Variants in NXPH1 observed in about 807,000 individuals in gnomAD.
The protein encoded by NXPH1 is neurexophilin 1, also known as neurexophilin-1.
Under a neutral mutation model 23.7 loss-of-function variants are expected in NXPH1, and 5 were observed. The ratio of observed to expected loss-of-function variants is 0.21; its 90% confidence interval spans 0.11 to 0.44. The LOEUF is 0.44. Among genes scored for constraint, NXPH1 ranks in the 20% least tolerant of loss-of-function variants. The pLI is 0.99. For missense variants in NXPH1, 324 were observed against 321.6 expected (o/e 1.01, Z -0.06); for synonymous variants, 144 against 122.2 (o/e 1.18, Z -1.18).
intron 2 of NXPH1, among the ~76,000 whole-genome samples, chr7:8,543,305 C>G (rs957937196): frequency 3.3e-5 from 5 of 151,604 alleles, no homozygotes; most frequent in Non-Finnish European, 7.4e-5. Flanking sequence ...TCCATGCAAG[C>G]TCCCATCTTA....
rs753216989 is a variant in NXPH1 at position 8,751,461 on chromosome 7, C to T, written c.508C>T (p.Pro170Ser). The T allele has an allele frequency of 6.2e-7, 1 of 1,613,762 alleles. No individual in the cohort carries two copies. The highest frequency in any genetic ancestry group is 8.5e-7 in the Non-Finnish European group (1 of 1,179,830). ...GAATGTATCTGTCAGCTTGGTACCC[C>T]CTACAAAAATCGTGGAATTTGACTT... ...QGNVSVSLVPPTKIVEFDLAQ... is the reference protein window; with the variant it reads ...QGNVSVSLVPSTKIVEFDLAQ... Residue 170 changes from proline (P) to serine (S), a missense_variant, in exon 3 of 3, where the codon CCT becomes TCT. Coordinates refer to ENST00000405863, the MANE Select transcript of NXPH1 (RefSeq NM_152745.3). The surrounding 1 kb of genome is among the most constrained non-coding windows in gnomAD (Gnocchi z 4.5).
At chr7:8,641,271 C>A (rs1820305003) in intron 2 of NXPH1, among the ~76,000 whole-genome samples, 1 of 152,146 alleles carries the variant, frequency 6.6e-6, no homozygotes, top group Non-Finnish European at 1.5e-5. Context: ...TACCTGTGCA[C>A]AGTTTAATAT....
chr7:8,632,546 G>T (rs980697088), intron 2 of NXPH1, among the ~76,000 whole-genome samples: 1 of 152,154 alleles, frequency 6.6e-6, no homozygotes, highest in Non-Finnish European at 1.5e-5. Flanking sequence ...TTAGCGGCTA[G>T]TCTTGTCTAT....
chr7:8,670,939 C>T (rs1820859320), intron 2 of NXPH1, among the ~76,000 whole-genome samples: 1 of 152,166 alleles, frequency 6.6e-6, no homozygotes, highest in Non-Finnish European at 1.5e-5. Flanking sequence ...GATAGCACCT[C>T]TGACATGGTC....
chr7:8,540,037 A>C (rs984074592), intron 2 of NXPH1, among the ~76,000 whole-genome samples: 1 of 151,852 alleles, frequency 6.6e-6, no homozygotes, highest in Non-Finnish European at 1.5e-5. Flanking sequence ...TTTGTTGTAT[A>C]CTTTTTGGAA....
At chr7:8,597,873 C>A (rs920467815) in intron 2 of NXPH1, among the ~76,000 whole-genome samples, 5 of 152,226 alleles carry the variant, frequency 3.3e-5, no homozygotes, top group East Asian at 3.9e-4. Context: ...GCCCTTTTAG[C>A]AAACAAGTGG....
chr7:8,468,439 A>AT (rs1816819712), intron 2 of NXPH1, among the ~76,000 whole-genome samples: 1 of 152,164 alleles, frequency 6.6e-6, no homozygotes, highest in Non-Finnish European at 1.5e-5. Context: ...AACAATCTGC[A>AT]TCTGTTTTAC....
chr7:8,481,426 C>G (rs571974582), intron 2 of NXPH1, among the ~76,000 whole-genome samples: 2 of 152,114 alleles, frequency 1.3e-5, no homozygotes, highest in South Asian at 4.2e-4. Context: ...TGTGAAAGAT[C>G]TTTTGATTTG....
intron 2 of NXPH1, among the ~76,000 whole-genome samples, chr7:8,493,229 C>T (rs985820398): frequency 2.0e-5 from 3 of 151,968 alleles, no homozygotes; most frequent in South Asian, 4.1e-4. Flanking sequence ...GTTAGTTCAC[C>T]TGAAGGAATG....
At chr7:8,625,503 T>A (rs1350205449) in intron 2 of NXPH1, among the ~76,000 whole-genome samples, 1 of 152,108 alleles carries the variant, frequency 6.6e-6, no homozygotes, top group African/African-American at 2.4e-5. Flanking sequence ...CCTGGTCAAT[T>A]AACCCCTGCC....
At chr7:8,485,950 C>T (rs1817152339) in intron 2 of NXPH1, among the ~76,000 whole-genome samples, 1 of 152,132 alleles carries the variant, frequency 6.6e-6, no homozygotes, top group Non-Finnish European at 1.5e-5. Flanking sequence ...CTGGCATTGA[C>T]TTTAGTTATA....
chr7:8,480,309 T>A (rs140897088), intron 2 of NXPH1, among the ~76,000 whole-genome samples: 1 of 152,206 alleles, frequency 6.6e-6, no homozygotes, highest in Non-Finnish European at 1.5e-5. Flanking sequence ...TTATTTTCTC[T>A]CCTGGATGAA....
intron 2 of NXPH1, among the ~76,000 whole-genome samples, chr7:8,638,160 A>G (rs1820249371): frequency 6.6e-6 from 1 of 152,246 alleles, no homozygotes; most frequent in Admixed American, 6.5e-5. Flanking sequence ...TGGTCCAAAC[A>G]AACACGAGCT....
At chr7:8,534,695 C>T (rs1271123374) in intron 2 of NXPH1, among the ~76,000 whole-genome samples, 1 of 152,084 alleles carries the variant, frequency 6.6e-6, no homozygotes, top group African/African-American at 2.4e-5. Context: ...ATCGTACTCT[C>T]AAATATTTGA....
At chr7:8,534,631 G>T (rs1324404561) in intron 2 of NXPH1, among the ~76,000 whole-genome samples, 1 of 152,028 alleles carries the variant, frequency 6.6e-6, no homozygotes, top group Non-Finnish European at 1.5e-5. Context: ...TTATTTATCT[G>T]TGTAAGCTAA....
At chr7:8,603,120 G>A (rs1451217186) in intron 2 of NXPH1, among the ~76,000 whole-genome samples, 1 of 152,090 alleles carries the variant, frequency 6.6e-6, no homozygotes, top group Non-Finnish European at 1.5e-5. Flanking sequence ...CTACCCTTGT[G>A]TCTTTTGCAG....
intron 2 of NXPH1, among the ~76,000 whole-genome samples, chr7:8,653,442 C>A (rs1022096440): frequency 3.3e-5 from 5 of 152,298 alleles, no homozygotes; most frequent in African/African-American, 1.2e-4. Context: ...AAGCTCTGGA[C>A]AGAGAAGCAT....
At chr7:8,563,132 G>C (rs1818476439) in intron 2 of NXPH1, among the ~76,000 whole-genome samples, 1 of 151,716 alleles carries the variant, frequency 6.6e-6, no homozygotes, top group Non-Finnish European at 1.5e-5. Flanking sequence ...TCAAACCTCA[G>C]GAGGTCAAAA....
At chr7:8,458,076 C>G (rs938768859) in intron 2 of NXPH1, among the ~76,000 whole-genome samples, 1 of 152,132 alleles carries the variant, frequency 6.6e-6, no homozygotes. Flanking sequence ...AAAATAAATG[C>G]TATTCCATAA....
Sources: gnomAD v4.1 joint callset for allele counts (sites outside exome capture counted in the v4.1 genomes callset) on GRCh38, gnomAD v4.1.1 for gene constraint, Gnocchi (gnomAD v3.1) non-coding constraint, MANE v1.5 for transcripts, NCBI Gene and HGNC (gene_info 2026-07-23, HGNC 2026-07-21) for gene names.